LRCH3: variants seen among roughly 807,000 people sequenced by gnomAD.
The protein encoded by LRCH3 is leucine rich repeats and calponin homology domain containing 3.
LRCH3 carries 68 observed loss-of-function variants against 104.5 expected under a neutral mutation model. That is an observed-to-expected ratio of 0.65 (90% CI 0.54 to 0.80). The LOEUF (loss-of-function observed/expected upper bound fraction) is 0.80. Among genes scored for constraint, LRCH3 ranks in the 30% least tolerant of loss-of-function variants. The pLI is 0.00. For missense variants in LRCH3, 951 were observed against 953.9 expected (o/e 1.00, Z 0.04); for synonymous variants, 344 against 361.3 (o/e 0.95, Z 0.54).
intron 20 of LRCH3, among the ~76,000 whole-genome samples, chr3:197,880,083 C>T (rs573148605): frequency 1.5e-3 from 220 of 151,148 alleles, no homozygotes; most frequent in Middle Eastern, 3.4e-3. Context: ...GTAGCTGGGA[C>T]TACAGGCGCC....
At chr3:197,855,993 G>A (rs917193879) in intron 14 of LRCH3, among the ~76,000 whole-genome samples, 1 of 152,174 alleles carries the variant, frequency 6.6e-6, no homozygotes. Context: ...AAGCTCCCTC[G>A]TGCTCTACTG....
At chr3:197,864,741 G>A (rs536427344) in intron 15 of LRCH3, among the ~76,000 whole-genome samples, 2 of 145,880 alleles carry the variant, frequency 1.4e-5, no homozygotes, top group South Asian at 4.4e-4. Context: ...AGGGGGTCAG[G>A]CCAGGCACGG....
intron 15 of LRCH3, 96 bp from the exon 16 acceptor site, chr3:197,865,327 C>G (rs1741358386): frequency 1.2e-6 from 1 of 833,110 alleles, no homozygotes; most frequent in African/African-American, 1.8e-5. Flanking sequence ...AGGAGAGTTA[C>G]CTGTTTTTTG....
chr3:197,811,168 C>T lies in LRCH3; in HGVS notation c.263-3740C>T, dbSNP rs180848117. 1.4e-4 allele frequency among the ~76,000 whole-genome samples: 22 copies of T among 152,218 alleles called. No homozygotes were observed. The East Asian group carries it at 4.2e-3, about 29-fold the overall frequency. ...ATGTTCTTGGTGTTTAAACTTTGGT[C>T]TGTGGGACGCACCATGAACAGTATC... On this transcript the variant is annotated intron_variant, in intron 1 of 20. Transcript: ENST00000425562.
intron 15 of LRCH3, among the ~76,000 whole-genome samples, chr3:197,864,986 T>C (rs1423727382): frequency 6.6e-6 from 1 of 151,662 alleles, no homozygotes; most frequent in African/African-American, 2.4e-5. Context: ...GCAACAAGAG[T>C]GAGACCTTGT....
At chr3:197,832,037 C>T (rs1736016544) in intron 7 of LRCH3, among the ~76,000 whole-genome samples, 160 bp from the exon 8 acceptor site, 1 of 152,166 alleles carries the variant, frequency 6.6e-6, no homozygotes, top group Admixed American at 6.5e-5. Context: ...GCCTCAACAT[C>T]CCAAGTATTA....
chr3:197,869,494 G>A (rs1711813434), intron 17 of LRCH3, among the ~76,000 whole-genome samples: 1 of 148,376 alleles, frequency 6.7e-6, no homozygotes. Context: ...AGAAAGCGGT[G>A]CACTGTACCT....
At position 197,869,567 on chromosome 3, in the gene LRCH3, A is replaced by C. The variant is rs56897004; in HGVS notation, c.1874-593A>C. Among the ~76,000 whole-genome samples the C allele has an allele frequency of 3.0e-3, 441 of 144,696 alleles. 6 individuals carry two copies. The highest frequency in any genetic ancestry group is 0.011 in the African/African-American group (419 of 36,474). The allele number at this position is 144,696 out of a possible 152,430, so 94.9% of individuals were successfully genotyped here. A position where few individuals can be genotyped will look rare whatever the true frequency, so the allele number is the denominator to read the frequency against. On this transcript the variant is annotated intron_variant, in intron 17 of 20. Transcript: ENST00000425562. ...GTAGAAAGCGATGCACTGTACCTGC[A>C]GGAGGTAGAAAGCGATGCACTGTAC...
chr3:197,869,705 C>T (rs1029486914), intron 17 of LRCH3, among the ~76,000 whole-genome samples: 11 of 134,008 alleles, frequency 8.2e-5, no homozygotes, highest in African/African-American at 3.6e-4. Context: ...GAAAGCGATG[C>T]ACTGTACCTG....
intron 7 of LRCH3, among the ~76,000 whole-genome samples, chr3:197,831,946 G>A (rs1028769240): frequency 4.6e-5 from 7 of 152,064 alleles, no homozygotes; most frequent in Non-Finnish European, 7.4e-5. Context: ...ATAGGATCTC[G>A]CTTTGTCGCA....
intron 10 of LRCH3, among the ~76,000 whole-genome samples, chr3:197,846,951 G>C (rs1478824859): frequency 6.6e-6 from 1 of 152,060 alleles, no homozygotes; most frequent in Non-Finnish European, 1.5e-5. Flanking sequence ...TTATTTCTGT[G>C]TTAAAATTGC....
At chr3:197,831,592 G>GAT (rs771887179) in intron 7 of LRCH3, among the ~76,000 whole-genome samples, 185 of 151,714 alleles carry the variant, frequency 1.2e-3, no homozygotes, top group Non-Finnish European at 2.0e-3. Context: ...TATCAATACA[G>GAT]ATATATATGT....
chr3:197,806,376 C>T lies in LRCH3; in HGVS notation c.263-8532C>T, dbSNP rs181584005. ...TCCTGAGCTCAAATGATCCTCTCACCTCAGCCTCTCAAAGTGCTAGGATTA... is the reference window on the plus strand; with the variant it reads ...TCCTGAGCTCAAATGATCCTCTCACTTCAGCCTCTCAAAGTGCTAGGATTA... On this transcript the variant is annotated intron_variant, in intron 1 of 20. Transcript: ENST00000425562. 2.4e-3 allele frequency among the ~76,000 whole-genome samples: 365 copies of T among 152,214 alleles called. 2 individuals carry two copies. Among genetic ancestry groups the T allele is most frequent in the African/African-American group, 8.1e-3 (336 of 41,524 alleles).
intron 20 of LRCH3, chr3:197,881,081 C>T: frequency 9.3e-7 from 1 of 1,074,780 alleles, no homozygotes. Flanking sequence ...ATACAACTCC[C>T]ATCTGGCCAT....
At chr3:197,820,933 T>C (rs978352339) in intron 4 of LRCH3, among the ~76,000 whole-genome samples, 4 of 152,170 alleles carry the variant, frequency 2.6e-5, no homozygotes, top group Non-Finnish European at 5.9e-5. Context: ...AATAGTGTTA[T>C]CTGTTCCATT....
chr3:197,874,971 G>C lies in LRCH3; in HGVS notation c.2131-727G>C, dbSNP rs1247108123. Among the ~76,000 whole-genome samples, 3 of 151,314 alleles carry C rather than the reference G, an allele frequency of 2.0e-5. No homozygotes were observed. The East Asian group carries it at 5.8e-4, about 29-fold the overall frequency. ...GAGCTTTGTTCTTGTTGCCCAGGCAGGAGTGCAATGGTGCGATCTCAGCTC... is the reference window on the plus strand; with the variant it reads ...GAGCTTTGTTCTTGTTGCCCAGGCACGAGTGCAATGGTGCGATCTCAGCTC... On this transcript the variant is annotated intron_variant, in intron 19 of 20. Transcript: ENST00000425562.
chr3:197,840,896 A>G (rs1737710214), intron 10 of LRCH3, among the ~76,000 whole-genome samples: 1 of 152,172 alleles, frequency 6.6e-6, no homozygotes, highest in African/African-American at 2.4e-5. Flanking sequence ...TTCCAGTTAC[A>G]TTCCCCACCT....
intron 2 of LRCH3, among the ~76,000 whole-genome samples, chr3:197,816,466 G>C (rs1277745211): frequency 1.3e-5 from 2 of 152,092 alleles, no homozygotes; most frequent in Admixed American, 1.3e-4. Context: ...TTTTAGTAGA[G>C]ACGGGGTTTC....
At chr3:197,830,346 A>G (rs1348669534) in intron 6 of LRCH3, among the ~76,000 whole-genome samples, 2 of 152,172 alleles carry the variant, frequency 1.3e-5, no homozygotes, top group African/African-American at 4.8e-5. Flanking sequence ...CCTCCTGAGT[A>G]TGGAGCAGTC....
Sources: allele counts gnomAD v4.1 joint callset (sites outside exome capture counted in the v4.1 genomes callset), GRCh38; gene constraint gnomAD v4.1.1; transcripts MANE v1.5; gene names NCBI Gene and HGNC (gene_info 2026-07-23, HGNC 2026-07-21).